The following BABAM2 variants were observed in gnomAD, a reference collection of about 807,000 sequenced individuals.
BABAM2 encodes BRISC and BRCA1 A complex member 2, also known as BRISC and BRCA1-A complex member 2.
BABAM2 carries 31 observed loss-of-function variants against 54.7 expected under a neutral mutation model. That is an observed-to-expected ratio of 0.57 (90% CI 0.43 to 0.77). The LOEUF is 0.77. BABAM2 is among the 30% of genes least tolerant of loss of function. BABAM2 has a pLI of 0.00. For synonymous variants in BABAM2, 167 were observed against 162.9 expected, an observed-to-expected ratio of 1.03 and a Z score of -0.19; for missense variants, 364 against 455.8, an observed-to-expected ratio of 0.80 and a Z score of 1.83.
At chr2:27,942,093 A>G (rs1000675987) in intron 3 of BABAM2, among the ~76,000 whole-genome samples, 2 of 152,114 alleles carry the variant, frequency 1.3e-5, no homozygotes, top group South Asian at 2.1e-4. Context: ...GATCTATTAC[A>G]TATTAATTTG....
intron 3 of BABAM2, among the ~76,000 whole-genome samples, chr2:27,983,712 T>A (rs1672181732): frequency 6.6e-6 from 1 of 152,144 alleles, no homozygotes; most frequent in African/African-American, 2.4e-5. Flanking sequence ...TTGTTCTTTT[T>A]GATCTCATTG....
At chr2:28,227,739 A>G (rs1004493886) in intron 7 of BABAM2, among the ~76,000 whole-genome samples, 4 of 152,132 alleles carry the variant, frequency 2.6e-5, no homozygotes, top group African/African-American at 9.7e-5. Flanking sequence ...CTGGCCGTGC[A>G]TCATTGCATG....
intron 6 of BABAM2, among the ~76,000 whole-genome samples, chr2:28,095,791 G>A (rs1253541720): frequency 1.3e-5 from 2 of 152,132 alleles, no homozygotes; most frequent in African/African-American, 4.8e-5. Flanking sequence ...CTGTCTCTGA[G>A]GTTTTAAGTA....
chr2:28,338,417 C>T (rs752384185), intron 11 of BABAM2, 33 bp from the exon 12 acceptor site: 1 of 1,592,616 alleles, frequency 6.3e-7, no homozygotes. Context: ...TTGTGCTAAC[C>T]ACAATTTTTT....
Position 28,325,940 on chromosome 2 carries a change from G to A in BABAM2, c.1089-12510G>A, listed in dbSNP as rs527788198. On this transcript the variant is annotated intron_variant, in intron 11 of 11. Transcript: ENST00000379624. This position sits in a 1 kb window ranked among gnomAD's most constrained non-coding sequence, Gnocchi z 4.3. ...AGGGGAAGGTTAGAGGCCTCAAGGA[G>A]TTGATCTCCTAAGTGTTCCTGAGGC... 4.6e-5 allele frequency among the ~76,000 whole-genome samples: 7 copies of A among 152,362 alleles called. No individual in the cohort carries two copies. The highest frequency in any genetic ancestry group is 1.7e-4 in the African/African-American group (7 of 41,586).
chr2:27,939,913 A>G (rs1451851701), intron 3 of BABAM2, among the ~76,000 whole-genome samples: 4 of 152,234 alleles, frequency 2.6e-5, no homozygotes, highest in Non-Finnish European at 2.9e-5. Flanking sequence ...GAAATAAAAA[A>G]GATCAGAAGA....
At position 28,139,321 on chromosome 2, in the gene BABAM2, C is replaced by CAAA. The variant is rs768755922; in HGVS notation, c.680+9963_680+9965dup. The stretch of plus-strand genomic sequence containing the variant: ...GGGCGACAAGAGTGAAACTCCGTCT[C>CAAA]AAAAAAAAAAAAAAAAAAAAAAAAG... On this transcript the variant is annotated intron_variant, in intron 7 of 11. Transcript: ENST00000379624. Among the ~76,000 whole-genome samples the CAAA allele has an allele frequency of 2.9e-3, 250 of 86,982 alleles. 6 individuals are homozygous for CAAA. Among genetic ancestry groups the CAAA allele is most frequent in the African/African-American group, 9.4e-3 (163 of 17,340 alleles). 57.1% of individuals were successfully genotyped at this position (86,982 alleles called of 152,430 possible).
intron 2 of BABAM2, among the ~76,000 whole-genome samples, chr2:27,923,033 A>G (rs1667445802): frequency 1.3e-5 from 2 of 152,170 alleles, no homozygotes; most frequent in African/African-American, 4.8e-5. Flanking sequence ...TCTGTTACTG[A>G]TTTATGACAG....
At chr2:27,928,389 A>G (rs1303354579) in intron 2 of BABAM2, among the ~76,000 whole-genome samples, 4 of 152,164 alleles carry the variant, frequency 2.6e-5, no homozygotes, top group African/African-American at 9.7e-5. Flanking sequence ...ACCTCCAGTG[A>G]TTTGCCTGCC....
chr2:28,013,545 A>G (rs537480785), intron 4 of BABAM2, among the ~76,000 whole-genome samples: 2 of 152,104 alleles, frequency 1.3e-5, no homozygotes, highest in African/African-American at 4.8e-5. Context: ...GTCCTCCTCA[A>G]GAATATATAA....
intron 6 of BABAM2, among the ~76,000 whole-genome samples, chr2:28,060,882 C>T (rs1008731366): frequency 3.3e-5 from 5 of 152,208 alleles, no homozygotes; most frequent in African/African-American, 7.2e-5. Context: ...GACTTAATCT[C>T]GTAAGATATC....
chr2:28,167,983 G>A (rs2147838789), intron 7 of BABAM2, among the ~76,000 whole-genome samples: 1 of 152,230 alleles, frequency 6.6e-6, no homozygotes, highest in East Asian at 1.9e-4. Flanking sequence ...ATTTTCTCAA[G>A]ACCACACAGC....
chr2:28,116,546 G>A (rs1316152168), intron 6 of BABAM2, among the ~76,000 whole-genome samples: 1 of 152,160 alleles, frequency 6.6e-6, no homozygotes, highest in Non-Finnish European at 1.5e-5. Flanking sequence ...TAGGAACAAA[G>A]GTGTTATTAG....
At chr2:27,979,177 G>A (rs891863041) in intron 3 of BABAM2, among the ~76,000 whole-genome samples, 6 of 151,822 alleles carry the variant, frequency 4.0e-5, no homozygotes, top group Admixed American at 6.6e-5. Flanking sequence ...ACAGGCATGC[G>A]CCACCATGCC....
chr2:27,974,431 A>G (rs1364188239), intron 3 of BABAM2, among the ~76,000 whole-genome samples: 1 of 152,158 alleles, frequency 6.6e-6, no homozygotes, highest in Non-Finnish European at 1.5e-5. Flanking sequence ...TTATTCTGGG[A>G]ATGAAAGCCA....
intron 10 of BABAM2, among the ~76,000 whole-genome samples, chr2:28,280,377 T>C (rs1686250736): frequency 6.6e-6 from 1 of 152,050 alleles, no homozygotes; most frequent in South Asian, 2.1e-4. Flanking sequence ...GATTTTTAAG[T>C]ATTTAAAAAT....
At chr2:27,975,766 A>T (rs1455551079) in intron 3 of BABAM2, among the ~76,000 whole-genome samples, 1 of 152,132 alleles carries the variant, frequency 6.6e-6, no homozygotes, top group Non-Finnish European at 1.5e-5. Context: ...AGAGGAGGAC[A>T]AGAAGCAGTA....
At chr2:27,985,980 T>A (rs1478333013) in intron 3 of BABAM2, among the ~76,000 whole-genome samples, 1 of 152,160 alleles carries the variant, frequency 6.6e-6, no homozygotes, top group Admixed American at 6.6e-5. Context: ...TTTATTAGGG[T>A]AGGCTTCATA....
intron 6 of BABAM2, among the ~76,000 whole-genome samples, chr2:28,050,030 A>G (rs915645109): frequency 6.6e-6 from 1 of 152,172 alleles, no homozygotes; most frequent in Non-Finnish European, 1.5e-5. Context: ...ACAATACAAT[A>G]GGAAATGGTA....
Sources: gnomAD v4.1 joint callset for allele counts (sites outside exome capture counted in the v4.1 genomes callset) on GRCh38, gnomAD v4.1.1 for gene constraint, Gnocchi (gnomAD v3.1) non-coding constraint, MANE v1.5 for transcripts, NCBI Gene and HGNC (gene_info 2026-07-23, HGNC 2026-07-21) for gene names.